PTPN6: variants seen among roughly 807,000 people sequenced by gnomAD.
The protein encoded by PTPN6 is protein tyrosine phosphatase non-receptor type 6.
Under a neutral mutation model 81.5 loss-of-function variants are expected in PTPN6, and 18 were observed. The observed-to-expected ratio is 0.22, with a 90% CI of 0.15 to 0.33. PTPN6 has a LOEUF of 0.33. Ranked by LOEUF, PTPN6 falls within the 10% of genes least tolerant of loss-of-function variation. The pLI, the probability that PTPN6 is intolerant of heterozygous loss-of-function variation, is 1.00. For synonymous variants in PTPN6, 301 were observed against 310.9 expected, an observed-to-expected ratio of 0.97 and a Z score of 0.33; for missense variants, 500 against 794.2, an observed-to-expected ratio of 0.63 and a Z score of 4.45.
Position 6,952,111 on chromosome 12 carries a change from A to G in PTPN6, c.260A>G (p.Gln87Arg). 1 of 1,614,170 alleles carries G rather than the reference A, an allele frequency of 6.2e-7. No individual in the cohort carries two copies. The highest frequency in any genetic ancestry group is 2.2e-5 in the East Asian group (1 of 44,874). The part of the protein sequence containing the change: ...EYYTQQQGVL[Q>R]DRDGTIIHLK... ...TACACTCAGCAGCAGGGTGTCCTGC[A>G]GGACCGCGACGGCACCATCATCCAC... The change falls in exon 3 of 16, where the codon CAG becomes CGG. Residue 87 changes from glutamine (Q) to arginine (R), a missense_variant. By Grantham distance (43) the Gln-to-Arg change is conservative (BLOSUM62 1). Around this residue, in one of 6 missense-constraint regions of PTPN6, gnomAD observed 98 missense variants for 199.2 expected, o/e 0.49. Coordinates refer to ENST00000318974, the MANE Select transcript of PTPN6 (RefSeq NM_002831.6). The surrounding 1 kb of genome is among the most constrained non-coding windows in gnomAD (Gnocchi z 8.1).
At position 6,960,037 on chromosome 12, in the gene PTPN6, C is replaced by T; in HGVS notation, c.1429+43C>T. The T allele has an allele frequency of 6.2e-7, 1 of 1,612,566 alleles. No homozygotes were observed. Among genetic ancestry groups the T allele is most frequent in the African/African-American group, 1.3e-5 (1 of 75,020 alleles). ...GTTTGGGGGTGGGGGGTGAGCAGCC[C>T]CTCGGTGTCCGCCTATGCCTGGACC... is the stretch of plus-strand genomic sequence containing the variant. On this transcript the variant is annotated intron_variant, in intron 12 of 15. Coordinates refer to ENST00000318974, the MANE Select transcript of PTPN6 (RefSeq NM_002831.6). This position sits in a 1 kb window ranked among gnomAD's most constrained non-coding sequence, Gnocchi z 6.1.
At chr12:6,950,809 T>C (rs1945910551), upstream of PTPN6, among the ~76,000 whole-genome samples, 1 of 152,218 alleles carries the variant, frequency 6.6e-6, no homozygotes, top group Non-Finnish European at 1.5e-5. Flanking sequence ...GTTTGAATCC[T>C]GGCACTGCAG....
At chr12:6,961,018 A>C in intron 15 of PTPN6, 73 bp downstream of exon 15, 1 of 1,543,068 alleles carries the variant, frequency 6.5e-7, no homozygotes, top group Non-Finnish European at 8.7e-7. Context: ...CCCTGGGTGG[A>C]TGGGGTGGCC....
In PTPN6 at chr12:6,951,387, C is replaced by G; in HGVS notation, c.-126C>G. On this transcript the variant is annotated 5_prime_UTR_variant, in exon 1 of 16. Transcript: ENST00000318974. The surrounding 1 kb of genome is among the most constrained non-coding windows in gnomAD (Gnocchi z 7.2). ...GTGGCAGCCCCAGAACTGGGACCAC[C>G]GGGGGTGGTGAGGCGGCCCGGCACT... 2 of 1,546,948 alleles carry G rather than the reference C, an allele frequency of 1.3e-6. No individual in the cohort carries two copies. The highest frequency in any genetic ancestry group is 2.1e-4 in the Middle Eastern group (1 of 4,758).
chr12:6,951,784 C>T lies in PTPN6; in HGVS notation c.131+53C>T. ...ATTTTGGCCACTCTCTTGTGCCATC[C>T]AGGCCCTGAACCACTCATTCCTGGT... On this transcript the variant is annotated intron_variant, in intron 2 of 15. Coordinates refer to ENST00000318974, the MANE Select transcript of PTPN6 (RefSeq NM_002831.6). This position sits in a 1 kb window ranked among gnomAD's most constrained non-coding sequence, Gnocchi z 7.2. 1.9e-6 allele frequency: 3 copies of T among 1,604,400 alleles called. No homozygotes were observed. The highest frequency in any genetic ancestry group is 8.5e-7 in the Non-Finnish European group (1 of 1,179,802).
chr12:6,959,866 G>A lies in PTPN6; in HGVS notation c.1362-61G>A. On this transcript the variant is annotated intron_variant, in intron 11 of 15. Coordinates refer to ENST00000318974, the MANE Select transcript of PTPN6 (RefSeq NM_002831.6). The surrounding 1 kb of genome is among the most constrained non-coding windows in gnomAD (Gnocchi z 6.6). ...TGCCTGGGGCTGGAGCTGAGCGCTGGGTACCCCCCTTCCCGGGGAGGGCTT... is the reference window on the plus strand; with the variant it reads ...TGCCTGGGGCTGGAGCTGAGCGCTGAGTACCCCCCTTCCCGGGGAGGGCTT... 11 of 1,575,118 alleles carry A rather than the reference G, an allele frequency of 7.0e-6. No individual in the cohort carries two copies. Among genetic ancestry groups the A allele is most frequent in the Non-Finnish European group, 9.6e-6 (11 of 1,148,628 alleles).
Position 6,954,610 on chromosome 12 carries a change from A to C in PTPN6, c.327-195A>C, listed in dbSNP as rs1032497442. 1.4e-4 allele frequency among the ~76,000 whole-genome samples: 21 copies of C among 152,218 alleles called. No homozygotes were observed. The highest frequency in any genetic ancestry group is 2.2e-4 in the Non-Finnish European group (15 of 68,040). ...GCTCAGCGTCAGTTTCCTCATCTAT[A>C]AAATGGGGGTAATATCATACCTAGC... On this transcript the variant is annotated intron_variant, in intron 3 of 15. Transcript: ENST00000318974. The surrounding 1 kb of genome is among the most constrained non-coding windows in gnomAD (Gnocchi z 5.4).
At chr12:6,958,480 A>G (rs1177064016) in intron 11 of PTPN6, among the ~76,000 whole-genome samples, 1 of 152,210 alleles carries the variant, frequency 6.6e-6, no homozygotes, top group Non-Finnish European at 1.5e-5. Context: ...AGGAACATCT[A>G]TGAGGCATGT....
chr12:6,957,977 T>C lies in PTPN6; in HGVS notation c.1265T>C (p.Val422Ala), dbSNP rs1555149024. Residue 422 changes from valine (V) to alanine (A), a missense_variant, in exon 11 of 16, where the codon GTC becomes GCC. By Grantham distance (64) the Val-to-Ala change is moderately conservative (BLOSUM62 0). Coordinates refer to ENST00000318974, the MANE Select transcript of PTPN6 (RefSeq NM_002831.6). This position sits in a 1 kb window ranked among gnomAD's most constrained non-coding sequence, Gnocchi z 6.5. ...TACCTGAGCTGGCCCGACCATGGGGTCCCCAGTGAGCCTGGGGGTGTCCTC... is the reference window on the plus strand; with the variant it reads ...TACCTGAGCTGGCCCGACCATGGGGCCCCCAGTGAGCCTGGGGGTGTCCTC... The part of the protein sequence containing the change: ...YQYLSWPDHG[V>A]PSEPGGVLSF... 6.2e-7 allele frequency: 1 copy of C among 1,613,690 alleles called. No homozygotes were observed. The highest frequency in any genetic ancestry group is 8.5e-7 in the Non-Finnish European group (1 of 1,180,018).
chr12:6,958,489 G>A (rs184159635), intron 11 of PTPN6, among the ~76,000 whole-genome samples: 30 of 152,368 alleles, frequency 2.0e-4, no homozygotes, highest in Admixed American at 1.7e-3. Context: ...TATGAGGCAT[G>A]TGCTCCCCAT....
rs1946114778 is a variant in PTPN6, at chr12:6,960,353, G to A, written c.1591G>A (p.Gly531Ser). Residue 531 changes from glycine (G) to serine (S), a missense_variant, in exon 14 of 16, where the codon GGC becomes AGC. Physicochemically the swap from Gly to Ser is moderately conservative, Grantham distance 56. This residue lies in a region of PTPN6 where 226 missense variants were observed against 364.4 expected (regional missense o/e 0.62). Coordinates refer to ENST00000318974, the MANE Select transcript of PTPN6 (RefSeq NM_002831.6). The surrounding 1 kb of genome is among the most constrained non-coding windows in gnomAD (Gnocchi z 6.1). The stretch of plus-strand genomic sequence containing the variant: ...GTCCCTCTGCCCACAGTCGCAGAAG[G>A]GCCAGGAGTCGGAGTACGGGAACAT... The part of the protein sequence containing the change: ...KKLEVLQSQK[G>S]QESEYGNITY... 8.7e-6 allele frequency: 14 copies of A among 1,613,466 alleles called. No individual in the cohort carries two copies. Among genetic ancestry groups the A allele is most frequent in the Non-Finnish European group, 1.2e-5 (14 of 1,179,982 alleles).
chr12:6,946,613 G>A, upstream of PTPN6: 1 of 847,038 alleles, frequency 1.2e-6, no homozygotes, highest in Non-Finnish European at 2.0e-6. Flanking sequence ...GGAAGTGGCT[G>A]ATTACTGAGC....
Position 6,952,050 on chromosome 12 carries a change from G to A in PTPN6, c.199G>A (p.Glu67Lys). The change falls in exon 3 of 16, where the codon GAG (glutamate) becomes AAG (lysine). Residue 67 changes from glutamate (E) to lysine (K), a missense_variant. By Grantham distance (56) the Glu-to-Lys change is moderately conservative. Transcript: ENST00000318974. The surrounding 1 kb of genome is among the most constrained non-coding windows in gnomAD (Gnocchi z 8.1). ...SGDFYDLYGG[E>K]KFATLTELVE... ...GGATTTCTATGACCTGTATGGAGGG[G>A]AGAAGTTTGCGACTCTGACAGAGCT... 6.2e-7 allele frequency: 1 copy of A among 1,614,194 alleles called. No homozygotes were observed. The highest frequency in any genetic ancestry group is 8.5e-7 in the Non-Finnish European group (1 of 1,180,028).
Position 6,954,216 on chromosome 12 carries a change from C to T in PTPN6, c.327-589C>T, listed in dbSNP as rs1349867388. Among the ~76,000 whole-genome samples the T allele has an allele frequency of 2.0e-5, 3 of 152,186 alleles. No individual in the cohort carries two copies. The highest frequency in any genetic ancestry group is 1.9e-4 in the East Asian group (1 of 5,194). On this transcript the variant is annotated intron_variant, in intron 3 of 15. Transcript: ENST00000318974. This position sits in a 1 kb window ranked among gnomAD's most constrained non-coding sequence, Gnocchi z 5.4. ...GGGGTTGTCTTCCCCGCCTCCCTGG[C>T]GGAGCGCACCCCATCCGCCTTCCTT...
In PTPN6 at chr12:6,954,773, G is replaced by A. The variant is rs781872040; in HGVS notation, c.327-32G>A. ...GCTCAGCGCCTTCCCCTGTGGCCTG[G>A]GTCTTACCTTCCCTGACGCTGCCTT... On this transcript the variant is annotated intron_variant, in intron 3 of 15. Coordinates refer to ENST00000318974, the MANE Select transcript of PTPN6 (RefSeq NM_002831.6). This position sits in a 1 kb window ranked among gnomAD's most constrained non-coding sequence, Gnocchi z 5.4. The A allele has an allele frequency of 8.1e-6, 13 of 1,606,274 alleles. No homozygotes were observed. The highest frequency in any genetic ancestry group is 5.5e-5 in the South Asian group (5 of 90,794).
chr12:6,958,846 G>C (rs1372973853), intron 11 of PTPN6, among the ~76,000 whole-genome samples: 1 of 152,196 alleles, frequency 6.6e-6, no homozygotes, highest in African/African-American at 2.4e-5. Flanking sequence ...CTAACCCTCA[G>C]CTTCCTCATC....
Position 6,959,481 on chromosome 12 carries a change from C to A in PTPN6, c.1362-446C>A, listed in dbSNP as rs1591692389. The A allele has an allele frequency of 6.9e-6, 2 of 291,712 alleles. No homozygotes were observed. Among genetic ancestry groups the A allele is most frequent in the East Asian group, 9.3e-5 (1 of 10,722 alleles). 18.1% of individuals were successfully genotyped at this position (291,712 alleles called of 1,614,324 possible). A position where few individuals can be genotyped will look rare whatever the true frequency, so the allele number is the denominator to read the frequency against. On this transcript the variant is annotated intron_variant, in intron 11 of 15. Transcript: ENST00000318974. This position sits in a 1 kb window ranked among gnomAD's most constrained non-coding sequence, Gnocchi z 6.6. ...GCCCCCGCACCCTGCTGTCTCAGGGCTATCCTTTCCCTGACGTCAGGGTTT... is the reference window on the plus strand; with the variant it reads ...GCCCCCGCACCCTGCTGTCTCAGGGATATCCTTTCCCTGACGTCAGGGTTT...
chr12:6,946,650 C>T (rs990979679), upstream of PTPN6: 11 of 1,291,138 alleles, frequency 8.5e-6, no homozygotes, highest in East Asian at 9.5e-5. Context: ...GCTTGGGCCA[C>T]TGTGCACAGC....
chr12:6,959,848 G>A lies in PTPN6; in HGVS notation c.1362-79G>A. 1 of 1,482,840 alleles carries A rather than the reference G, an allele frequency of 6.7e-7. No individual in the cohort carries two copies. Among genetic ancestry groups the A allele is most frequent in the Non-Finnish European group, 9.4e-7 (1 of 1,066,888 alleles). 91.9% of individuals were successfully genotyped at this position (1,482,840 alleles called of 1,614,324 possible). On this transcript the variant is annotated intron_variant, in intron 11 of 15. Transcript: ENST00000318974. The surrounding 1 kb of genome is among the most constrained non-coding windows in gnomAD (Gnocchi z 6.6). ...CTCAGGCTGCTCCTGTGGTGCCTGGGGCTGGAGCTGAGCGCTGGGTACCCC... is the reference window on the plus strand; with the variant it reads ...CTCAGGCTGCTCCTGTGGTGCCTGGAGCTGGAGCTGAGCGCTGGGTACCCC...
Sources: gnomAD v4.1 joint callset for allele counts (sites outside exome capture counted in the v4.1 genomes callset) on GRCh38, gnomAD v4.1.1 for gene constraint, gnomAD v4.1.1 regional missense constraint, Gnocchi (gnomAD v3.1) non-coding constraint, MANE v1.5 for transcripts, NCBI Gene and HGNC (gene_info 2026-07-23, HGNC 2026-07-21) for gene names.